The following SMYD3 variants were observed in gnomAD, a reference collection of about 807,000 sequenced individuals.
SMYD3 encodes histone-lysine N-methyltransferase SMYD3.
A neutral mutation model predicts 57.7 loss-of-function variants in SMYD3; 36 were observed. That is an observed-to-expected ratio of 0.62 (90% CI 0.48 to 0.82). The LOEUF (loss-of-function observed/expected upper bound fraction) is 0.82. Among genes scored for constraint, SMYD3 ranks in the 40% least tolerant of loss-of-function variants. The pLI, the probability that SMYD3 is intolerant of heterozygous loss-of-function variation, is 0.00. For missense variants in SMYD3, 515 were observed against 538.8 expected, an observed-to-expected ratio of 0.96 and a Z score of 0.44; for synonymous variants, 211 against 195.0, an observed-to-expected ratio of 1.08 and a Z score of -0.68.
chr1:246,385,916 C>T (rs80221675), intron 1 of SMYD3, among the ~76,000 whole-genome samples: 1 of 150,736 alleles, frequency 6.6e-6, no homozygotes. Context: ...TTTTTTTTTC[C>T]GCCACTCTTT....
At chr1:246,123,002 T>C (rs966407794) in intron 5 of SMYD3, among the ~76,000 whole-genome samples, 1 of 152,188 alleles carries the variant, frequency 6.6e-6, no homozygotes, top group African/African-American at 2.4e-5. Flanking sequence ...TGAAACACTC[T>C]CTATAATACC....
chr1:245,781,108 C>T (rs187855709), intron 10 of SMYD3, among the ~76,000 whole-genome samples: 1 of 152,104 alleles, frequency 6.6e-6, no homozygotes, highest in Non-Finnish European at 1.5e-5. Context: ...GAACTGACTG[C>T]AAACAGGCCT....
chr1:246,088,528 T>G (rs2060764336), intron 5 of SMYD3, among the ~76,000 whole-genome samples: 3 of 133,322 alleles, frequency 2.3e-5, no homozygotes, highest in Non-Finnish European at 4.5e-5. Context: ...GAGAATGGCG[T>G]GAACCCAGGA....
intron 10 of SMYD3, among the ~76,000 whole-genome samples, chr1:245,853,915 A>C (rs2051106086): frequency 2.0e-5 from 3 of 152,082 alleles, no homozygotes; most frequent in African/African-American, 7.2e-5. Context: ...CTGAGCTGAA[A>C]TCTCACTCTT....
At chr1:246,126,005 C>T (rs1045245419) in intron 5 of SMYD3, among the ~76,000 whole-genome samples, 5 of 152,184 alleles carry the variant, frequency 3.3e-5, no homozygotes, top group Non-Finnish European at 7.3e-5. Context: ...TAGAAACCAT[C>T]GGAACAGCAT....
intron 8 of SMYD3, among the ~76,000 whole-genome samples, chr1:245,888,496 G>T (rs1442708937): frequency 6.6e-6 from 1 of 152,106 alleles, no homozygotes; most frequent in Non-Finnish European, 1.5e-5. Context: ...TTTATCAAAA[G>T]AGCACTGCCC....
At chr1:245,949,116 C>T (rs1400648519) in intron 5 of SMYD3, among the ~76,000 whole-genome samples, 3 of 152,214 alleles carry the variant, frequency 2.0e-5, no homozygotes, top group Non-Finnish European at 4.4e-5. Flanking sequence ...GATCCTCCTG[C>T]CATTGCTACT....
chr1:246,309,709 T>G (rs1230698044), intron 5 of SMYD3, among the ~76,000 whole-genome samples: 1 of 152,220 alleles, frequency 6.6e-6, no homozygotes, highest in African/African-American at 2.4e-5. Context: ...GCTGAGACAT[T>G]GCCTTCACGG....
intron 1 of SMYD3, among the ~76,000 whole-genome samples, chr1:246,393,362 A>G (rs2066603331): frequency 6.6e-6 from 1 of 152,190 alleles, no homozygotes; most frequent in African/African-American, 2.4e-5. Context: ...TCCCGTGTTC[A>G]GGATTCCTAC....
chr1:245,753,480 G>A (rs2045480068), intron 11 of SMYD3, among the ~76,000 whole-genome samples: 1 of 152,228 alleles, frequency 6.6e-6, no homozygotes, highest in South Asian at 2.1e-4. Flanking sequence ...TCAGCAGGAA[G>A]CTGCAATTCA....
At chr1:246,419,744 T>C (rs1325109387) in intron 1 of SMYD3, among the ~76,000 whole-genome samples, 2 of 152,230 alleles carry the variant, frequency 1.3e-5, no homozygotes, top group East Asian at 1.9e-4. Context: ...GGGATCTAAG[T>C]TGCATGCTCC....
chr1:246,427,437 G>A (rs890549538), intron 1 of SMYD3, among the ~76,000 whole-genome samples: 3 of 149,956 alleles, frequency 2.0e-5, no homozygotes, highest in African/African-American at 7.3e-5. Flanking sequence ...GGAGAATGGC[G>A]TGAACCCGGG....
At chr1:245,768,491 T>A (rs565582353) in intron 10 of SMYD3, among the ~76,000 whole-genome samples, 38 of 152,338 alleles carry the variant, frequency 2.5e-4, no homozygotes, top group African/African-American at 8.4e-4. Context: ...CAATTACCAA[T>A]CACATTATTC....
intron 10 of SMYD3, among the ~76,000 whole-genome samples, chr1:245,789,634 C>T (rs1040841952): frequency 6.6e-6 from 1 of 152,098 alleles, no homozygotes. Context: ...AATATTGGTG[C>T]CAAATGAAGT....
At chr1:245,999,252 A>G (rs1455266385) in intron 5 of SMYD3, among the ~76,000 whole-genome samples, 1 of 152,200 alleles carries the variant, frequency 6.6e-6, no homozygotes, top group Non-Finnish European at 1.5e-5. Flanking sequence ...AGCTTAAGAA[A>G]TAAAAGGGGA....
At chr1:245,765,874 C>A (rs2046070256) in intron 10 of SMYD3, among the ~76,000 whole-genome samples, 1 of 152,088 alleles carries the variant, frequency 6.6e-6, no homozygotes, top group South Asian at 2.1e-4. Flanking sequence ...CCAGAGAACC[C>A]CATCTAAGCT....
intron 10 of SMYD3, among the ~76,000 whole-genome samples, chr1:245,824,279 T>G (rs1167562335): frequency 6.6e-6 from 1 of 152,250 alleles, no homozygotes; most frequent in East Asian, 1.9e-4. Context: ...AAGGAAGAGA[T>G]GCTTTGTAGC....
At chr1:246,496,865 A>G (rs1318947239) in intron 1 of SMYD3, among the ~76,000 whole-genome samples, 3 of 152,172 alleles carry the variant, frequency 2.0e-5, no homozygotes, top group African/African-American at 7.2e-5. Context: ...CTACTGTTAT[A>G]AATGCTTTTA....
At chr1:246,360,587 A>C (rs932213907) in intron 1 of SMYD3, among the ~76,000 whole-genome samples, 1 of 152,144 alleles carries the variant, frequency 6.6e-6, no homozygotes, top group Non-Finnish European at 1.5e-5. Context: ...AAAACAGCAT[A>C]GTACTGTTAT....
Sources: allele counts gnomAD v4.1 joint callset (sites outside exome capture counted in the v4.1 genomes callset), GRCh38; gene constraint gnomAD v4.1.1; transcripts MANE v1.5; gene names NCBI Gene and HGNC (gene_info 2026-07-23, HGNC 2026-07-21).